Variants in OTOG observed in about 807,000 individuals in gnomAD.
OTOG encodes otogelin.
In OTOG, 296 loss-of-function variants were observed where a neutral mutation model predicts 313.8. That is an observed-to-expected ratio of 0.94 (90% CI 0.86 to 1.04). The LOEUF is 1.04. OTOG is among the 50% of genes least tolerant of loss of function. The probability of loss-of-function intolerance (pLI) is 0.00; values close to 1 mark genes in which losing one functional copy is unlikely to be tolerated. For missense variants in OTOG, 3,948 were observed against 3,840.1 expected (o/e 1.03, Z -0.74); for synonymous variants, 1,533 against 1,554.9 (o/e 0.99, Z 0.33).
intron 3 of OTOG, among the ~76,000 whole-genome samples, chr11:17,550,832 C>A (rs1851916021): frequency 6.6e-6 from 1 of 152,128 alleles, no homozygotes; most frequent in African/African-American, 2.4e-5. Context: ...GAACCAGGGG[C>A]CAAAGTAGGT....
At chr11:17,552,559 C>A (rs112272785) in intron 4 of OTOG, among the ~76,000 whole-genome samples, 4 of 149,922 alleles carry the variant, frequency 2.7e-5, no homozygotes, top group African/African-American at 1.0e-4. Flanking sequence ...CCCCACCTGT[C>A]CTGTGTCCCC....
rs376770171 is a variant in OTOG at position 17,579,930 on chromosome 11, C to T, written c.2759+1404C>T. Among the ~76,000 whole-genome samples the T allele has an allele frequency of 1.4e-4, 22 of 152,344 alleles. No individual in the cohort carries two copies. The East Asian group carries it at 4.2e-3, about 29-fold the overall frequency. On this transcript the variant is annotated intron_variant, in intron 23 of 55. Transcript: ENST00000399397. ...CCCTCTAAGGAGCTTACACACATGC[C>T]TCAGGGGCTTGTCAAAGTGAAATTG...
At chr11:17,643,545 T>TTG in intron 54 of OTOG, 39 bp downstream of exon 54, 5 of 1,194,740 alleles carry the variant, frequency 4.2e-6, no homozygotes, top group Non-Finnish European at 5.6e-6. Flanking sequence ...TGGGGGGCTC[T>TTG]GATGGGGGCA....
At chr11:17,578,841 G>A (rs930644518) in intron 23 of OTOG, among the ~76,000 whole-genome samples, 1 of 152,232 alleles carries the variant, frequency 6.6e-6, no homozygotes, top group Non-Finnish European at 1.5e-5. Flanking sequence ...TGAGTGGGGT[G>A]TCTGGCACGC....
At chr11:17,558,928 G>T in intron 10 of OTOG, 124 bp from the exon 11 acceptor site, 1 of 825,564 alleles carries the variant, frequency 1.2e-6, no homozygotes, top group Non-Finnish European at 2.0e-6. Flanking sequence ...GCCTTCCTGG[G>T]CAGCCTTTCC....
At chr11:17,556,882 G>A (rs1177180381) in intron 7 of OTOG, among the ~76,000 whole-genome samples, 2 of 152,242 alleles carry the variant, frequency 1.3e-5, no homozygotes, top group Non-Finnish European at 2.9e-5. Context: ...GGAACTTGGA[G>A]TCACTCACTC....
chr11:17,581,325 A>G, intron 23 of OTOG, among the ~76,000 whole-genome samples: 1 of 152,186 alleles, frequency 6.6e-6, no homozygotes. Context: ...GAGAGTTTCA[A>G]GAGAAACCAA....
chr11:17,597,053 C>G, intron 30 of OTOG, 46 bp downstream of exon 30: 1 of 1,540,772 alleles, frequency 6.5e-7, no homozygotes. Context: ...TAGAGTGTCA[C>G]CTGTGGGCAT....
intron 24 of OTOG, among the ~76,000 whole-genome samples, chr11:17,587,610 A>G (rs1449931078): frequency 6.6e-6 from 1 of 152,134 alleles, no homozygotes; most frequent in Non-Finnish European, 1.5e-5. Context: ...GAGGAAGGCC[A>G]TAGTGTTTCT....
intron 42 of OTOG, 56 bp downstream of exon 42, chr11:17,632,282 TA>T: frequency 1.3e-6 from 2 of 1,502,010 alleles, no homozygotes; most frequent in Non-Finnish European, 1.8e-6. Context: ...CATCCCCTGT[TA>T]AAGTGGGAAA....
In OTOG at chr11:17,635,600, TC is replaced by T; in HGVS notation, c.7694-5del. The T allele has an allele frequency of 6.5e-7, 1 of 1,547,388 alleles. No individual in the cohort carries two copies. ...ACTGCTGTGACAGCATTGACCCTCT[TC>T]CCCCTCAGCCTGTGGTGACTGTCCA... On this transcript the variant is annotated splice_polypyrimidine_tract_variant and intron_variant, in intron 46 of 55. Coordinates refer to ENST00000399397, the MANE Select transcript of OTOG (RefSeq NM_001292063.2).
chr11:17,612,596 T>G (rs1853588797), intron 37 of OTOG, 24 bp from the exon 38 acceptor site: 2 of 1,544,706 alleles, frequency 1.3e-6, no homozygotes, highest in Non-Finnish European at 8.7e-7. Flanking sequence ...CACCTATTCT[T>G]CTTGTGCCCT....
At chr11:17,562,342 T>C (rs1245772522) in intron 15 of OTOG, among the ~76,000 whole-genome samples, 1 of 151,640 alleles carries the variant, frequency 6.6e-6, no homozygotes, top group Non-Finnish European at 1.5e-5. Flanking sequence ...TTAAAGAAAA[T>C]TAAAATTTTC....
chr11:17,640,660 G>T, intron 49 of OTOG, 85 bp from the exon 50 acceptor site: 1 of 1,397,606 alleles, frequency 7.2e-7, no homozygotes, highest in Non-Finnish European at 9.7e-7. Flanking sequence ...AGGGACTGAC[G>T]TAGAGAGGGG....
At chr11:17,613,199 C>CTTTCTTTCTTTCTTTA (rs1853618888) in intron 38 of OTOG, among the ~76,000 whole-genome samples, 1 of 57,226 alleles carries the variant, frequency 1.7e-5, no homozygotes, top group Non-Finnish European at 3.2e-5. Flanking sequence ...TCTTTCTTTT[C>CTTTCTTTCTTTCTTTA]TTTCTTTCTT....
chr11:17,593,618 G>A lies in OTOG; in HGVS notation c.3150G>A (p.Glu1050=), dbSNP rs908715781. 2 of 1,548,946 alleles carry A rather than the reference G, an allele frequency of 1.3e-6. No homozygotes were observed. Among genetic ancestry groups the A allele is most frequent in the African/African-American group, 1.4e-5 (1 of 73,112 alleles). Residue 1050 remains glutamate, a synonymous_variant, in exon 27 of 56, where the codon GAG becomes GAA. Transcript: ENST00000399397. ...CATCTCTGTCCCTCTAGAGTCCAGAGAGCTTCCTGGATGACAAGCAGGAGG... is the reference window on the plus strand; with the variant it reads ...CATCTCTGTCCCTCTAGAGTCCAGAAAGCTTCCTGGATGACAAGCAGGAGG... ...FDDDSGNPSP[E]SFLDDKQEVH... is the part of the protein sequence containing the mutation.
chr11:17,635,743 G>A (rs763190860), intron 47 of OTOG, 32 bp downstream of exon 47: 32 of 1,508,560 alleles, frequency 2.1e-5, no homozygotes, highest in Middle Eastern at 1.7e-4. Flanking sequence ...GGCGGGCTGC[G>A]GCAGGAAGGG....
chr11:17,599,563 C>A, intron 30 of OTOG, 108 bp from the exon 31 acceptor site: 1 of 1,271,918 alleles, frequency 7.9e-7, no homozygotes, highest in Non-Finnish European at 1.1e-6. Context: ...CAGGCCAGGC[C>A]CAGCACTTGG....
intron 40 of OTOG, among the ~76,000 whole-genome samples, chr11:17,630,487 A>T (rs187817190): frequency 1.3e-5 from 2 of 152,360 alleles, no homozygotes; most frequent in African/African-American, 4.8e-5. Flanking sequence ...CATGCTTTAT[A>T]TTCACAGAAT....
Sources: gnomAD v4.1 joint callset for allele counts (sites outside exome capture counted in the v4.1 genomes callset) on GRCh38, gnomAD v4.1.1 for gene constraint, MANE v1.5 for transcripts, NCBI Gene and HGNC (gene_info 2026-07-23, HGNC 2026-07-21) for gene names.